The following FTO variants were observed in gnomAD, a reference collection of about 807,000 sequenced individuals.
FTO encodes alpha-ketoglutarate-dependent dioxygenase FTO.
In FTO, 47 loss-of-function variants were observed where a neutral mutation model predicts 63.9. The ratio of observed to expected loss-of-function variants is 0.74; its 90% CI spans 0.58 to 0.94. The LOEUF (loss-of-function observed/expected upper bound fraction) is 0.94. Among genes scored for constraint, FTO ranks in the 40% least tolerant of loss-of-function variants. The pLI is 0.00. For synonymous variants in FTO, 207 were observed against 224.4 expected, an observed-to-expected ratio of 0.92 and a Z score of 0.69; for missense variants, 562 against 618.1, an observed-to-expected ratio of 0.91 and a Z score of 0.96.
chr16:53,898,258 GC>G lies in FTO; in HGVS notation c.1239+9310del, dbSNP rs1285688491. Among the ~76,000 whole-genome samples, 8 of 152,114 alleles carry G rather than the reference GC, an allele frequency of 5.3e-5. No homozygotes were observed. The South Asian group carries it at 1.7e-3, about 32-fold the overall frequency. The stretch of plus-strand genomic sequence containing the variant: ...CCTTACTATGTCTAGAACATGCCCA[GC>G]CCACTCTTGCCCAGGATTTTTGCAT... On this transcript the variant is annotated intron_variant, in intron 7 of 8. Transcript: ENST00000471389.
At chr16:54,091,148 G>A (rs114200414) in intron 8 of FTO, among the ~76,000 whole-genome samples, 30 of 152,292 alleles carry the variant, frequency 2.0e-4, no homozygotes, top group African/African-American at 7.2e-4. Context: ...ATGTTTGGAG[G>A]CTAGTTACCA....
intron 8 of FTO, among the ~76,000 whole-genome samples, chr16:54,094,989 C>T (rs2086482250): frequency 1.3e-5 from 2 of 152,158 alleles, no homozygotes; most frequent in South Asian, 4.1e-4. Context: ...TCACTGACCC[C>T]ATCCTCTCCA....
chr16:54,070,216 T>A (rs1350540354), intron 8 of FTO: 2 of 152,170 alleles, frequency 1.3e-5, no homozygotes, highest in Non-Finnish European at 2.9e-5. Flanking sequence ...CATTTTTTTC[T>A]CCTTAAGCAC....
At position 53,944,778 on chromosome 16, in the gene FTO, C is replaced by T. The variant is rs191414698; in HGVS notation, c.1364+10669C>T. Among the ~76,000 whole-genome samples the T allele has an allele frequency of 1.6e-3, 242 of 152,262 alleles. 1 individual carries two copies. The highest frequency in any genetic ancestry group is 5.6e-3 in the African/African-American group (234 of 41,564). On this transcript the variant is annotated intron_variant, in intron 8 of 8. Transcript: ENST00000471389. The stretch of plus-strand genomic sequence containing the variant: ...AAACACCCAGAGCAAGTACCTGTAA[C>T]GTATTAGGTGTTCAATAAAAATGAC...
intron 7 of FTO, among the ~76,000 whole-genome samples, chr16:53,923,324 A>G (rs1469606352): frequency 6.6e-6 from 1 of 152,168 alleles, no homozygotes; most frequent in Non-Finnish European, 1.5e-5. Context: ...GTGCTTTGAG[A>G]TTTCTTAATG....
chr16:53,722,450 G>GT lies in FTO; in HGVS notation c.45+18230dup, dbSNP rs200839588. Among the ~76,000 whole-genome samples the GT allele has an allele frequency of 7.9e-4, 119 of 150,776 alleles. 1 individual carries two copies. Among genetic ancestry groups the GT allele is most frequent in the Non-Finnish European group, 1.2e-3 (79 of 67,526 alleles). ...TTGGAAGTTAAGCTTTTTGTTTTTT[G>GT]TTTTTTTTTACTTTACTGAACAGTT... is the stretch of plus-strand genomic sequence containing the variant. On this transcript the variant is annotated intron_variant, in intron 1 of 8. Transcript: ENST00000471389.
chr16:54,111,558 A>C (rs558361967), intron 8 of FTO, among the ~76,000 whole-genome samples: 1 of 152,280 alleles, frequency 6.6e-6, no homozygotes, highest in African/African-American at 2.4e-5. Context: ...AGTCAAAGCA[A>C]AGGAAGTCCC....
At chr16:53,821,704 A>T (rs943462045) in intron 2 of FTO, among the ~76,000 whole-genome samples, 5 of 152,168 alleles carry the variant, frequency 3.3e-5, no homozygotes, top group Non-Finnish European at 7.4e-5. Context: ...ATTTTTTCAC[A>T]TTCAGACTTG....
chr16:53,866,780 G>T (rs745763180), intron 4 of FTO, among the ~76,000 whole-genome samples: 1 of 151,932 alleles, frequency 6.6e-6, no homozygotes, highest in South Asian at 2.1e-4. Context: ...CTGCCTAGAG[G>T]TTTATCAATT....
intron 8 of FTO, among the ~76,000 whole-genome samples, chr16:54,010,200 G>A (rs1035708141): frequency 2.6e-5 from 4 of 152,080 alleles, no homozygotes; most frequent in Non-Finnish European, 2.9e-5. Flanking sequence ...GATCACTGGA[G>A]GCCAGGAGTT....
chr16:53,739,960 G>A (rs1432579975), intron 1 of FTO, among the ~76,000 whole-genome samples: 1 of 152,100 alleles, frequency 6.6e-6, no homozygotes, highest in Non-Finnish European at 1.5e-5. Context: ...GAGGGAACAA[G>A]AATAGAAGTA....
At chr16:54,107,634 T>C (rs1290197579) in intron 8 of FTO, among the ~76,000 whole-genome samples, 2 of 147,168 alleles carry the variant, frequency 1.4e-5, no homozygotes, top group East Asian at 3.9e-4. Context: ...GCAATGGATG[T>C]TATAAAAGGC....
chr16:53,724,982 T>G (rs994345870), intron 1 of FTO, among the ~76,000 whole-genome samples: 1 of 152,328 alleles, frequency 6.6e-6, no homozygotes, highest in South Asian at 2.1e-4. Flanking sequence ...TCCTAAATTC[T>G]TGGGTTACTT....
At chr16:54,055,053 G>A (rs2085399804) in intron 8 of FTO, among the ~76,000 whole-genome samples, 1 of 152,174 alleles carries the variant, frequency 6.6e-6, no homozygotes, top group African/African-American at 2.4e-5. Context: ...GAATGAAGTT[G>A]CACTGGCTTG....
At chr16:53,864,709 C>T in intron 4 of FTO, among the ~76,000 whole-genome samples, 1 of 152,052 alleles carries the variant, frequency 6.6e-6, no homozygotes. Context: ...AATAGACATT[C>T]TTTAATTTAT....
intron 7 of FTO, among the ~76,000 whole-genome samples, chr16:53,896,207 T>A (rs138436589): frequency 8.9e-4 from 135 of 152,286 alleles, no homozygotes; most frequent in African/African-American, 3.1e-3. Context: ...ATCATAGCAT[T>A]TCAGATATGA....
Position 53,858,958 on chromosome 16 carries a change from C to T in FTO, c.895+14660C>T, listed in dbSNP as rs181704532. On this transcript the variant is annotated intron_variant, in intron 4 of 8. Transcript: ENST00000471389. ...ACAGGCATGAGCCACCTTGCCTGGCCGATTTTTGCTTTCTAAATAAGCAAA... is the reference window on the plus strand; with the variant it reads ...ACAGGCATGAGCCACCTTGCCTGGCTGATTTTTGCTTTCTAAATAAGCAAA... Among the ~76,000 whole-genome samples, 124 of 152,224 alleles carry T rather than the reference C, an allele frequency of 8.1e-4. 2 individuals carry two copies. The highest frequency in any genetic ancestry group is 2.6e-3 in the African/African-American group (110 of 41,526).
chr16:53,815,657 TTTTTTTTTTGA>T (rs892405370), intron 2 of FTO, among the ~76,000 whole-genome samples: 3 of 91,096 alleles, frequency 3.3e-5, no homozygotes, highest in African/African-American at 1.0e-4. Flanking sequence ...TTTTTTTTTT[TTTTTTTTTTGA>T]GACAGAGTCC....
chr16:54,062,350 G>A (rs566020810), intron 8 of FTO, among the ~76,000 whole-genome samples: 1 of 152,290 alleles, frequency 6.6e-6, no homozygotes, highest in South Asian at 2.1e-4. Flanking sequence ...TCTGAACTGG[G>A]TATTGTAGTG....
Sources: gnomAD v4.1 joint callset for allele counts (sites outside exome capture counted in the v4.1 genomes callset) on GRCh38, gnomAD v4.1.1 for gene constraint, MANE v1.5 for transcripts, NCBI Gene and HGNC (gene_info 2026-07-23, HGNC 2026-07-21) for gene names.